The following CACNA2D2 variants were observed in gnomAD, a reference collection of about 807,000 sequenced individuals.
The protein encoded by CACNA2D2 is calcium voltage-gated channel auxiliary subunit alpha2delta 2.
CACNA2D2 carries 48 observed loss-of-function variants against 166.4 expected under a neutral mutation model. The observed-to-expected ratio is 0.29, with a 90% CI of 0.23 to 0.37. The LOEUF (loss-of-function observed/expected upper bound fraction) is 0.37, where lower values mean the gene tolerates loss of function less well. Ranked by LOEUF, CACNA2D2 falls within the 10% of genes least tolerant of loss-of-function variation. CACNA2D2 has a pLI of 1.00. For synonymous variants in CACNA2D2, 561 were observed against 573.7 expected, an observed-to-expected ratio of 0.98 and a Z score of 0.32; for missense variants, 1,122 against 1,433.0, an observed-to-expected ratio of 0.78 and a Z score of 3.50.
chr3:50,459,207 A>T (rs1338393788), intron 2 of CACNA2D2, among the ~76,000 whole-genome samples: 1 of 152,180 alleles, frequency 6.6e-6, no homozygotes, highest in Non-Finnish European at 1.5e-5. Flanking sequence ...GATAAAAGGG[A>T]ACCCAGGTAT....
At chr3:50,410,972 T>G (rs1706986422) in intron 3 of CACNA2D2, among the ~76,000 whole-genome samples, 1 of 152,210 alleles carries the variant, frequency 6.6e-6, no homozygotes, top group Admixed American at 6.5e-5. Flanking sequence ...CACGTGCATA[T>G]GGTGTCTGGG....
chr3:50,384,074 G>C (rs1559896166), intron 6 of CACNA2D2, 122 bp downstream of exon 6: 1 of 1,217,654 alleles, frequency 8.2e-7, no homozygotes, highest in East Asian at 2.3e-5. Context: ...GTAATCTCAG[G>C]TGTAGGAGGC....
At chr3:50,368,674 G>A (rs1315609832) in intron 23 of CACNA2D2, among the ~76,000 whole-genome samples, 1 of 152,224 alleles carries the variant, frequency 6.6e-6, no homozygotes, top group African/African-American at 2.4e-5. Context: ...TCCTGGCTGT[G>A]TGCCGTTAGG....
chr3:50,409,424 C>CA (rs1193253032), intron 3 of CACNA2D2, among the ~76,000 whole-genome samples: 1 of 152,216 alleles, frequency 6.6e-6, no homozygotes, highest in Non-Finnish European at 1.5e-5. Flanking sequence ...GGGCTTTGAA[C>CA]AAAAAGTGCT....
intron 1 of CACNA2D2, among the ~76,000 whole-genome samples, chr3:50,487,327 T>C (rs1028335802): frequency 6.6e-6 from 1 of 152,174 alleles, no homozygotes; most frequent in Non-Finnish European, 1.5e-5. Context: ...CTGAGTGCAA[T>C]GGGGAAGTCC....
At chr3:50,370,215 C>T (rs2109420994) in intron 23 of CACNA2D2, 105 bp downstream of exon 23, 1 of 793,564 alleles carries the variant, frequency 1.3e-6, no homozygotes, top group Non-Finnish European at 2.2e-6. Context: ...GGGGATGACA[C>T]TGCACAGGAC....
intron 14 of CACNA2D2, 58 bp downstream of exon 14, chr3:50,378,209 CCACAGCAGCCCATGGCA>C: frequency 6.4e-7 from 1 of 1,557,006 alleles, no homozygotes; most frequent in Non-Finnish European, 8.7e-7. Context: ...CGCCCTTGGC[CCACAGCAGCCCATGGCA>C]CACAGCGTCC....
chr3:50,441,859 AG>A (rs1315885113), intron 2 of CACNA2D2, among the ~76,000 whole-genome samples: 8 of 152,356 alleles, frequency 5.3e-5, no homozygotes, highest in South Asian at 2.1e-4. Context: ...TTCTGTGAAC[AG>A]GGTTGCAGAA....
At position 50,494,650 on chromosome 3, in the gene CACNA2D2, C is replaced by A. The variant is rs953718927; in HGVS notation, c.206+8568G>T. On this transcript the variant is annotated intron_variant, in intron 1 of 37. Transcript: ENST00000424201. ...AAGCAGACCTCAACTTGCCCCCCGA[C>A]CCATGCCATAGATTTTATTTATTTA... Among the ~76,000 whole-genome samples, 4 of 152,104 alleles carry A rather than the reference C, an allele frequency of 2.6e-5. No individual in the cohort carries two copies. In the East Asian group the frequency reaches 7.7e-4, roughly 29 times the overall value.
At chr3:50,470,904 C>T (rs961725497) in intron 2 of CACNA2D2, among the ~76,000 whole-genome samples, 3 of 152,154 alleles carry the variant, frequency 2.0e-5, no homozygotes, top group African/African-American at 7.2e-5. Flanking sequence ...GGGAGCCCCC[C>T]CTTTAGCCCC....
intron 1 of CACNA2D2, among the ~76,000 whole-genome samples, chr3:50,501,697 C>T (rs1195653896): frequency 1.3e-5 from 2 of 152,080 alleles, no homozygotes; most frequent in East Asian, 3.9e-4. Flanking sequence ...TATGAAACGG[C>T]TAAGAAAAAA....
At chr3:50,396,040 C>G (rs1706131837) in intron 3 of CACNA2D2, among the ~76,000 whole-genome samples, 1 of 152,138 alleles carries the variant, frequency 6.6e-6, no homozygotes, top group African/African-American at 2.4e-5. Context: ...ACACCCTCCT[C>G]TCTCCCCAGC....
chr3:50,443,593 CA>C (rs1708707631), intron 2 of CACNA2D2, among the ~76,000 whole-genome samples: 2 of 152,324 alleles, frequency 1.3e-5, no homozygotes, highest in African/African-American at 4.8e-5. Flanking sequence ...GTCCGTTCAC[CA>C]CCTTGTGCAG....
At chr3:50,426,572 C>T (rs1312853968) in intron 3 of CACNA2D2, among the ~76,000 whole-genome samples, 1 of 152,156 alleles carries the variant, frequency 6.6e-6, no homozygotes, top group East Asian at 1.9e-4. Context: ...TGGCTGGGTA[C>T]AGGTGGTGGG....
intron 22 of CACNA2D2, among the ~76,000 whole-genome samples, chr3:50,372,450 G>GC (rs1704704202): frequency 6.6e-6 from 1 of 152,244 alleles, no homozygotes; most frequent in Non-Finnish European, 1.5e-5. Context: ...TGCCCAGGAG[G>GC]CGCGGGTCAG....
intron 1 of CACNA2D2, among the ~76,000 whole-genome samples, chr3:50,494,367 G>C (rs1575782277): frequency 6.6e-6 from 1 of 152,170 alleles, no homozygotes; most frequent in Admixed American, 6.5e-5. Flanking sequence ...AGGAGAACAC[G>C]GGCTGTGGAA....
chr3:50,390,755 G>A (rs1705848124), intron 4 of CACNA2D2, among the ~76,000 whole-genome samples: 1 of 152,182 alleles, frequency 6.6e-6, no homozygotes, highest in South Asian at 2.1e-4. Flanking sequence ...TCCTTAGCAG[G>A]AGCCAAGCCC....
At position 50,434,379 on chromosome 3, in the gene CACNA2D2, C is replaced by T. The variant is rs1401071486; in HGVS notation, c.339G>A (p.Gln113=). 5.0e-6 allele frequency: 8 copies of T among 1,614,100 alleles called. No homozygotes were observed. Among genetic ancestry groups the T allele is most frequent in the Non-Finnish European group, 2.5e-6 (3 of 1,180,048 alleles). The change falls in exon 3 of 38, where the codon CAG becomes CAA. Residue 113 remains glutamine, a synonymous_variant. Coordinates refer to ENST00000424201, the MANE Select transcript of CACNA2D2 (RefSeq NM_006030.4). The part of the protein sequence containing the change: ...NLFEVQENEP[Q]KLVEKVAGDI... ...CCCCTGCCACCTTCTCCACCAACTTCTGAGGCTCATTCTCCTGTACCTCGA... is the reference window on the plus strand; with the variant it reads ...CCCCTGCCACCTTCTCCACCAACTTTTGAGGCTCATTCTCCTGTACCTCGA...
chr3:50,486,703 C>T (rs1698296726), intron 1 of CACNA2D2, among the ~76,000 whole-genome samples: 1 of 152,228 alleles, frequency 6.6e-6, no homozygotes, highest in South Asian at 2.1e-4. Flanking sequence ...CTTCTCAAAG[C>T]CACAGTTCTC....
Sources: gnomAD v4.1 joint callset for allele counts (sites outside exome capture counted in the v4.1 genomes callset) on GRCh38, gnomAD v4.1.1 for gene constraint, MANE v1.5 for transcripts, NCBI Gene and HGNC (gene_info 2026-07-23, HGNC 2026-07-21) for gene names.